The following PTPRD variants were observed in gnomAD, a reference collection of about 807,000 sequenced individuals.
PTPRD encodes the protein protein tyrosine phosphatase receptor type D, also known as receptor-type tyrosine-protein phosphatase delta.
A neutral mutation model predicts 214.5 loss-of-function variants in PTPRD; 34 were observed. The ratio of observed to expected loss-of-function variants is 0.16; its 90% confidence interval spans 0.12 to 0.21. PTPRD has a LOEUF of 0.21. Among genes scored for constraint, PTPRD ranks in the 10% least tolerant of loss-of-function variants. The pLI, the probability that PTPRD is intolerant of heterozygous loss-of-function variation, is 1.00. For missense variants in PTPRD, 2,545 were observed against 2,398.7 expected, an observed-to-expected ratio of 1.06 and a Z score of -1.27; for synonymous variants, 1,128 against 845.7, an observed-to-expected ratio of 1.33 and a Z score of -5.79.
intron 2 of PTPRD, among the ~76,000 whole-genome samples, chr9:10,393,064 G>A (rs1213338157): frequency 6.6e-6 from 1 of 151,806 alleles, no homozygotes; most frequent in African/African-American, 2.4e-5. Flanking sequence ...AACTCCTGAT[G>A]CTCACTCCTT....
At chr9:9,960,237 A>G (rs1643286662) in intron 4 of PTPRD, among the ~76,000 whole-genome samples, 1 of 150,856 alleles carries the variant, frequency 6.6e-6, no homozygotes, top group African/African-American at 2.5e-5. Flanking sequence ...AAAAAAAAAA[A>G]TAGTGTGTCA....
At chr9:8,443,608 C>T (rs934514180) in intron 34 of PTPRD, among the ~76,000 whole-genome samples, 3 of 152,186 alleles carry the variant, frequency 2.0e-5, no homozygotes, top group Non-Finnish European at 4.4e-5. Flanking sequence ...AACATCTGAT[C>T]ATCGAGTTTT....
chr9:10,329,292 C>T (rs1597250927), intron 3 of PTPRD, among the ~76,000 whole-genome samples: 1 of 151,570 alleles, frequency 6.6e-6, no homozygotes, highest in South Asian at 2.1e-4. Flanking sequence ...TTTGTCATTG[C>T]CCTCTTTGCC....
chr9:9,188,379 G>A (rs138080535), intron 9 of PTPRD, among the ~76,000 whole-genome samples: 9 of 152,136 alleles, frequency 5.9e-5, no homozygotes, highest in Non-Finnish European at 1.2e-4. Context: ...AGATAATGAG[G>A]AGTGGAATTG....
intron 2 of PTPRD, among the ~76,000 whole-genome samples, chr9:10,482,087 G>A (rs1417841866): frequency 2.6e-5 from 4 of 152,088 alleles, no homozygotes; most frequent in Non-Finnish European, 4.4e-5. Flanking sequence ...AAAAACAAAT[G>A]TTGGCCGGGC....
chr9:10,314,738 T>A (rs679856), intron 3 of PTPRD, among the ~76,000 whole-genome samples: 40,429 of 151,622 alleles, frequency 0.27, 5,798 homozygotes, highest in South Asian at 0.38. Context: ...CTTGCAAGAG[T>A]ACAACAGTGA....
intron 2 of PTPRD, among the ~76,000 whole-genome samples, chr9:10,405,383 C>G (rs1045830415): frequency 6.6e-6 from 1 of 151,444 alleles, no homozygotes; most frequent in African/African-American, 2.4e-5. Context: ...AATCTGTTAA[C>G]AAGAAAAGTA....
chr9:10,212,957 G>A (rs150862720), intron 3 of PTPRD, among the ~76,000 whole-genome samples: 26 of 152,238 alleles, frequency 1.7e-4, no homozygotes, highest in Non-Finnish European at 3.4e-4. Context: ...GTTATTACTA[G>A]AATTTTGCAC....
chr9:8,478,018 T>C (rs1248879629), intron 30 of PTPRD, among the ~76,000 whole-genome samples: 1 of 152,208 alleles, frequency 6.6e-6, no homozygotes, highest in African/African-American at 2.4e-5. Flanking sequence ...TCAGTTAATG[T>C]GTGTAACATC....
chr9:8,627,266 ACT>A (rs1179832028), intron 14 of PTPRD, among the ~76,000 whole-genome samples: 7 of 151,708 alleles, frequency 4.6e-5, no homozygotes, highest in Non-Finnish European at 7.4e-5. Flanking sequence ...AAGGGCTGAA[ACT>A]CACTGTCACA....
chr9:8,793,838 T>C (rs1007400280), intron 11 of PTPRD, among the ~76,000 whole-genome samples: 1 of 152,200 alleles, frequency 6.6e-6, no homozygotes, highest in Non-Finnish European at 1.5e-5. Flanking sequence ...TAGGTTTGTA[T>C]TTTTGAGTTC....
intron 5 of PTPRD, among the ~76,000 whole-genome samples, chr9:9,849,441 G>T (rs1216763756): frequency 6.6e-6 from 1 of 151,976 alleles, no homozygotes; most frequent in Non-Finnish European, 1.5e-5. Context: ...TGCTAGTTTG[G>T]CTAAATGAGA....
intron 8 of PTPRD, among the ~76,000 whole-genome samples, chr9:9,418,951 G>C (rs952121870): frequency 6.6e-6 from 1 of 151,956 alleles, no homozygotes; most frequent in African/African-American, 2.4e-5. Flanking sequence ...AGCAGAAAGA[G>C]TGTAGTGGAG....
At chr9:8,548,348 G>C (rs1418024934) in intron 14 of PTPRD, among the ~76,000 whole-genome samples, 2 of 151,910 alleles carry the variant, frequency 1.3e-5, no homozygotes, top group African/African-American at 4.8e-5. Context: ...CATGTGTTAG[G>C]TTGTATATGC....
chr9:9,749,851 G>T (rs1364574282), intron 6 of PTPRD, among the ~76,000 whole-genome samples: 5 of 152,238 alleles, frequency 3.3e-5, no homozygotes, highest in African/African-American at 1.2e-4. Flanking sequence ...AGAGGAGGAA[G>T]AAAGAAAATA....
chr9:10,164,763 G>C (rs1270609364), intron 3 of PTPRD, among the ~76,000 whole-genome samples: 1 of 151,466 alleles, frequency 6.6e-6, no homozygotes, highest in African/African-American at 2.4e-5. Context: ...CAGGTTTGAT[G>C]AGTTAACAAC....
chr9:9,321,707 C>G (rs565598964), intron 9 of PTPRD, among the ~76,000 whole-genome samples: 1 of 152,016 alleles, frequency 6.6e-6, no homozygotes, highest in Non-Finnish European at 1.5e-5. Context: ...TATTTAGTAG[C>G]GATGTAACAT....
Position 8,504,120 on chromosome 9 carries a change from C to T in PTPRD, c.1822+141G>A, listed in dbSNP as rs543303389. ...CCAAAAGAAGTCACAGTTACACTTT[C>T]ACCTGTGAAGTGTGATGCATACTAA... is the stretch of plus-strand genomic sequence containing the variant. On this transcript the variant is annotated intron_variant, in intron 23 of 45. Transcript: ENST00000381196. The T allele has an allele frequency of 3.8e-6, 3 of 780,874 alleles. No homozygotes were observed. In the South Asian group the frequency reaches 5.4e-5, roughly 14 times the overall value. The allele number at this position is 780,874 out of a possible 1,614,324, so 48.4% of individuals were successfully genotyped here.
intron 2 of PTPRD, among the ~76,000 whole-genome samples, chr9:10,579,125 G>T (rs1293653374): frequency 6.6e-6 from 1 of 151,864 alleles, no homozygotes; most frequent in Admixed American, 6.6e-5. Context: ...TCCCTGTGTG[G>T]ATTACTATGC....
Sources: gnomAD v4.1 joint callset for allele counts (sites outside exome capture counted in the v4.1 genomes callset) on GRCh38, gnomAD v4.1.1 for gene constraint, MANE v1.5 for transcripts, NCBI Gene and HGNC (gene_info 2026-07-23, HGNC 2026-07-21) for gene names.